The following WIPF1 variants were observed in gnomAD, a reference collection of about 807,000 sequenced individuals.
The protein encoded by WIPF1 is WAS/WASL-interacting protein family member 1.
Under a neutral mutation model 35.4 loss-of-function variants are expected in WIPF1, and 13 were observed. The ratio of observed to expected loss-of-function variants is 0.37; its 90% CI spans 0.24 to 0.58. WIPF1 has a LOEUF of 0.58. WIPF1 is among the 20% of genes least tolerant of loss of function. WIPF1 has a pLI of 0.74. For synonymous variants in WIPF1, 267 were observed against 266.3 expected, an observed-to-expected ratio of 1.00 and a Z score of -0.02; for missense variants, 591 against 667.0, an observed-to-expected ratio of 0.89 and a Z score of 1.25.
chr2:174,615,948 A>C (rs902300446), intron 1 of WIPF1, among the ~76,000 whole-genome samples: 1 of 152,236 alleles, frequency 6.6e-6, no homozygotes. Context: ...TCATCCAAAA[A>C]CATGAAGTGC....
In WIPF1 at chr2:174,567,951, G is replaced by A. The variant is rs371993338; in HGVS notation, c.1252C>T (p.Leu418Phe). The change falls in exon 6 of 8, where the codon CTT (leucine) becomes TTT (phenylalanine). Residue 418 changes from leucine (L) to phenylalanine (F), a missense_variant. This residue lies in a region of WIPF1 where 117 missense variants were observed against 149.6 expected (regional missense o/e 0.78). Transcript: ENST00000679041. ...DSPRSGPRPP[L>F]PPDRPSAGAP... The stretch of plus-strand genomic sequence containing the variant: ...CCAGCACTGGGCCTATCAGGAGGAA[G>A]GGGAGGCCTGGGTCCACTCCTGGGA... 3 of 1,614,146 alleles carry A rather than the reference G, an allele frequency of 1.9e-6. No homozygotes were observed. Among genetic ancestry groups the A allele is most frequent in the Admixed American group, 1.7e-5 (1 of 60,018 alleles).
intron 3 of WIPF1, among the ~76,000 whole-genome samples, chr2:174,580,836 A>G (rs988622140): frequency 1.3e-5 from 2 of 152,232 alleles, no homozygotes; most frequent in Non-Finnish European, 2.9e-5. Flanking sequence ...TTTTACAGGC[A>G]TTATCTCATT....
rs1684715508 is a variant in WIPF1, at chr2:174,567,982, T to C, written c.1221A>G (p.Val407=). The change falls in exon 6 of 8, where the codon GTA becomes GTG. Residue 407 remains valine (V), a synonymous_variant. Coordinates refer to ENST00000679041, the MANE Select transcript of WIPF1 (RefSeq NM_001375834.1). ...GCCTGGGTCCACTCCTGGGACTGTCTACTCCACTCCTGGATGGCAACTGAG... is the reference window on the plus strand; with the variant it reads ...GCCTGGGTCCACTCCTGGGACTGTCCACTCCACTCCTGGATGGCAACTGAG... ...ATPQLPSRSG[V]DSPRSGPRPP... is the part of the protein sequence containing the mutation. 6.2e-7 allele frequency: 1 copy of C among 1,613,998 alleles called. No individual in the cohort carries two copies. The highest frequency in any genetic ancestry group is 1.3e-5 in the African/African-American group (1 of 74,926).
chr2:174,653,156 T>C (rs1687567827), intron 1 of WIPF1, among the ~76,000 whole-genome samples: 1 of 152,216 alleles, frequency 6.6e-6, no homozygotes, highest in Non-Finnish European at 1.5e-5. Flanking sequence ...AAAAAGGTCC[T>C]AAAGCTAGTA....
chr2:174,597,445 A>C (rs957225515), intron 1 of WIPF1, among the ~76,000 whole-genome samples, 156 bp downstream of exon 1: 1 of 152,248 alleles, frequency 6.6e-6, no homozygotes, highest in African/African-American at 2.4e-5. Context: ...CATAGTGGTG[A>C]AACTAGCATT....
At chr2:174,682,872 G>A (rs1688288261) in exon 1 of WIPF1, 1 of 152,198 alleles carries the variant, frequency 6.6e-6, no homozygotes. Flanking sequence ...CGGGCGGGCA[G>A]GAAAAGCGCT....
chr2:174,634,621 T>C (rs1329687709), intron 1 of WIPF1: 1 of 152,220 alleles, frequency 6.6e-6, no homozygotes, highest in Non-Finnish European at 1.5e-5. Flanking sequence ...ACTTCCTCAC[T>C]GCACCTTCTT....
intron 1 of WIPF1, among the ~76,000 whole-genome samples, chr2:174,647,891 A>C (rs1687446271): frequency 6.6e-5 from 10 of 152,178 alleles, no homozygotes; most frequent in Admixed American, 6.5e-4. Flanking sequence ...TAGATTAAAG[A>C]GATAGGTTAT....
upstream of WIPF1, among the ~76,000 whole-genome samples, chr2:174,602,310 G>A (rs950692606): frequency 3.3e-5 from 5 of 152,178 alleles, no homozygotes; most frequent in Non-Finnish European, 5.9e-5. Context: ...GCCTCCTGCC[G>A]TGGCCCCCAG....
intron 6 of WIPF1, 68 bp from the exon 7 acceptor site, chr2:174,567,251 G>A (rs1684691070): frequency 1.4e-6 from 2 of 1,410,584 alleles, no homozygotes; most frequent in Admixed American, 1.8e-5. Context: ...GTAACGAAAG[G>A]CACAGAATGA....
At position 174,668,446 on chromosome 2, in the gene WIPF1, TC is replaced by T. The variant is rs200615003; in HGVS notation, c.-39+14327del. Among the ~76,000 whole-genome samples the T allele has an allele frequency of 5.5e-3, 839 of 152,344 alleles. 8 individuals are homozygous for T. The highest frequency in any genetic ancestry group is 0.017 in the African/African-American group (727 of 41,560). On this transcript the variant is annotated intron_variant, in intron 1 of 8. Transcript: ENST00000272746. ...TGCATTTTTCAGTTGAGTATTATAT[TC>T]CTTCTCTACCAGCTGAACGTAACTT...
At chr2:174,655,818 A>T (rs1687628657) in intron 1 of WIPF1, 2 of 152,284 alleles carry the variant, frequency 1.3e-5, no homozygotes, top group South Asian at 4.1e-4. Flanking sequence ...TATAAGCTCT[A>T]TGAGGGCAGG....
intron 3 of WIPF1, among the ~76,000 whole-genome samples, chr2:174,576,392 G>A (rs1027234530): frequency 6.6e-6 from 1 of 152,120 alleles, no homozygotes; most frequent in East Asian, 1.9e-4. Context: ...AGCACTTCTT[G>A]TGTCATACTC....
intron 1 of WIPF1, among the ~76,000 whole-genome samples, chr2:174,646,027 A>G (rs1245608717): frequency 1.3e-5 from 2 of 152,224 alleles, no homozygotes; most frequent in Non-Finnish European, 2.9e-5. Flanking sequence ...GAAGCAAGAC[A>G]CCATCTTACA....
At chr2:174,655,327 T>C (rs1687618663) in intron 1 of WIPF1, among the ~76,000 whole-genome samples, 1 of 152,288 alleles carries the variant, frequency 6.6e-6, no homozygotes, top group Admixed American at 6.5e-5. Context: ...CTTAGTATGC[T>C]ATAACTAATA....
intron 1 of WIPF1, among the ~76,000 whole-genome samples, chr2:174,604,281 T>C (rs923974399): frequency 6.6e-6 from 1 of 152,246 alleles, no homozygotes; most frequent in African/African-American, 2.4e-5. Context: ...ACATAGGCAG[T>C]TGCCCAAAGA....
chr2:174,641,203 G>A (rs761746322), intron 1 of WIPF1, among the ~76,000 whole-genome samples: 4 of 152,220 alleles, frequency 2.6e-5, no homozygotes, highest in African/African-American at 4.8e-5. Flanking sequence ...TGTGCAGAAG[G>A]ATGAGGGAAG....
intron 4 of WIPF1, 64 bp from the exon 5 acceptor site, chr2:174,572,510 G>A: frequency 6.3e-7 from 1 of 1,598,628 alleles, no homozygotes. Context: ...CAGAGAGCTA[G>A]AGTCTGTTCC....
intron 7 of WIPF1, among the ~76,000 whole-genome samples, chr2:174,564,651 T>C (rs985341069): frequency 6.6e-6 from 1 of 152,086 alleles, no homozygotes; most frequent in African/African-American, 2.4e-5. Flanking sequence ...AGATGGTCTA[T>C]TACCAATTTA....
Sources: gnomAD v4.1 joint callset for allele counts (sites outside exome capture counted in the v4.1 genomes callset) on GRCh38, gnomAD v4.1.1 for gene constraint, gnomAD v4.1.1 regional missense constraint, MANE v1.5 for transcripts, NCBI Gene and HGNC (gene_info 2026-07-23, HGNC 2026-07-21) for gene names.